SYT9: variants seen among roughly 807,000 people sequenced by gnomAD.
SYT9 encodes synaptotagmin 9.
SYT9 carries 22 observed loss-of-function variants against 48.4 expected under a neutral mutation model. The ratio of observed to expected loss-of-function variants is 0.45; its 90% confidence interval spans 0.32 to 0.65. The LOEUF (loss-of-function observed/expected upper bound fraction) is 0.65. Ranked by LOEUF, SYT9 falls within the 30% of genes least tolerant of loss-of-function variation. The pLI is 0.03. For missense variants in SYT9, 577 were observed against 622.0 expected, an observed-to-expected ratio of 0.93 and a Z score of 0.77; for synonymous variants, 265 against 245.0, an observed-to-expected ratio of 1.08 and a Z score of -0.76.
In SYT9 at chr11:7,420,540, G is replaced by A. The variant is rs759692497; in HGVS notation, c.1372G>A (p.Val458Ile). ...GHNEIIGVCQ[V>I]GNEAERLGRD... ...CAATGAGATCATCGGCGTGTGTCAAGTAGGCAACGAGGCTGAGAGGCTGGG... is the reference window on the plus strand; with the variant it reads ...CAATGAGATCATCGGCGTGTGTCAAATAGGCAACGAGGCTGAGAGGCTGGG... Residue 458 changes from valine (V) to isoleucine (I), a missense_variant, in exon 6 of 7, where the codon GTA becomes ATA. Coordinates refer to ENST00000318881, the MANE Select transcript of SYT9 (RefSeq NM_175733.4). 4.3e-6 allele frequency: 7 copies of A among 1,614,078 alleles called. No individual in the cohort carries two copies. The South Asian group carries it at 4.4e-5, about 10-fold the overall frequency.
At chr11:7,275,102 G>T (rs1249901382) in intron 1 of SYT9, among the ~76,000 whole-genome samples, 3 of 151,996 alleles carry the variant, frequency 2.0e-5, no homozygotes, top group Non-Finnish European at 2.9e-5. Context: ...GAGCCAGCTA[G>T]CAGAGTGTGC....
rs1181331683 is a variant in SYT9 at position 7,432,637 on chromosome 11, A to T, written c.1467+12002A>T. 1.9e-4 allele frequency among the ~76,000 whole-genome samples: 19 copies of T among 100,884 alleles called. No homozygotes were observed. The South Asian group carries it at 2.1e-3, about 11-fold the overall frequency. 66.2% of individuals were successfully genotyped at this position (100,884 alleles called of 152,430 possible). On this transcript the variant is annotated intron_variant, in intron 6 of 6. Coordinates refer to ENST00000318881, the MANE Select transcript of SYT9 (RefSeq NM_175733.4). ...TATATATATATATATATATATATATATTTAATGACTGCCCTGCAGGGTTTA... is the reference window on the plus strand; with the variant it reads ...TATATATATATATATATATATATATTTTTAATGACTGCCCTGCAGGGTTTA...
Position 7,303,281 on chromosome 11 carries a change from A to G in SYT9, c.388A>G (p.Ser130Gly). The G allele has an allele frequency of 6.2e-7, 1 of 1,613,846 alleles. No homozygotes were observed. Among genetic ancestry groups the G allele is most frequent in the Non-Finnish European group, 8.5e-7 (1 of 1,179,820 alleles). Reference sequence around the variant, plus strand: ...CTGCCCTGACTCCTCCATGAAGATCAGCCACACCTCCCCTGACATTCCCCT... The same window carrying G: ...CTGCCCTGACTCCTCCATGAAGATCGGCCACACCTCCCCTGACATTCCCCT... ...TPCPDSSMKI[S>G]HTSPDIPLST... Residue 130 changes from serine to glycine, a missense_variant, in exon 2 of 7, where the codon AGC becomes GGC. Coordinates refer to ENST00000318881, the MANE Select transcript of SYT9 (RefSeq NM_175733.4).
intron 1 of SYT9, among the ~76,000 whole-genome samples, chr11:7,264,311 G>A (rs1848132952): frequency 6.6e-6 from 1 of 152,114 alleles, no homozygotes; most frequent in South Asian, 2.1e-4. Flanking sequence ...TGAAGTTGGC[G>A]ATCATGAATT....
chr11:7,295,595 A>T (rs1848786519), intron 1 of SYT9, among the ~76,000 whole-genome samples: 1 of 152,172 alleles, frequency 6.6e-6, no homozygotes, highest in Non-Finnish European at 1.5e-5. Flanking sequence ...CATTCATGGC[A>T]GTGTAAGCTT....
At chr11:7,245,758 A>G (rs1426663879) in intron 1 of SYT9, among the ~76,000 whole-genome samples, 4 of 152,222 alleles carry the variant, frequency 2.6e-5, no homozygotes, top group Non-Finnish European at 5.9e-5. Flanking sequence ...TTATAACAGC[A>G]TAATTCTACC....
chr11:7,328,277 CATT>C (rs1849471370), intron 3 of SYT9, among the ~76,000 whole-genome samples: 1 of 151,688 alleles, frequency 6.6e-6, no homozygotes, highest in Non-Finnish European at 1.5e-5. Context: ...ATATTTATGT[CATT>C]GTGATTATAA....
intron 3 of SYT9, among the ~76,000 whole-genome samples, chr11:7,353,300 C>T (rs770514559): frequency 1.1e-4 from 16 of 152,158 alleles, no homozygotes; most frequent in Non-Finnish European, 2.4e-4. Flanking sequence ...CCCCCAGGAA[C>T]CACTTTCCTG....
intron 6 of SYT9, among the ~76,000 whole-genome samples, chr11:7,462,820 A>G (rs1848258669): frequency 6.6e-6 from 1 of 152,176 alleles, no homozygotes; most frequent in African/African-American, 2.4e-5. Flanking sequence ...TTCCTGTAAT[A>G]AAGTCCCATT....
chr11:7,256,974 GAACAAACAAACAAAGAAAA>G (rs1188925899), intron 1 of SYT9, among the ~76,000 whole-genome samples: 1 of 152,032 alleles, frequency 6.6e-6, no homozygotes, highest in East Asian at 1.9e-4. Context: ...TAGGGAGCTG[GAACAAACAAACAAAGAAAA>G]AACAAACAAC....
At chr11:7,446,334 C>A (rs979776130) in intron 6 of SYT9, among the ~76,000 whole-genome samples, 1 of 152,216 alleles carries the variant, frequency 6.6e-6, no homozygotes, top group Non-Finnish European at 1.5e-5. Flanking sequence ...AGAACACTTA[C>A]AAGAGTGCCT....
At chr11:7,278,457 T>C (rs747436563) in intron 1 of SYT9, among the ~76,000 whole-genome samples, 2 of 152,118 alleles carry the variant, frequency 1.3e-5, no homozygotes, top group Non-Finnish European at 2.9e-5. Flanking sequence ...TTTAAAACTG[T>C]TTTACTGAGC....
intron 3 of SYT9, among the ~76,000 whole-genome samples, chr11:7,344,601 C>G (rs1182022073): frequency 6.6e-6 from 1 of 152,112 alleles, no homozygotes; most frequent in Non-Finnish European, 1.5e-5. Context: ...GTTTGAAGTT[C>G]TTTCTTGTGA....
intron 1 of SYT9, among the ~76,000 whole-genome samples, chr11:7,273,011 T>C (rs765652998): frequency 2.6e-5 from 4 of 152,160 alleles, no homozygotes; most frequent in African/African-American, 9.7e-5. Context: ...TTGTGGGTCA[T>C]GTTAAGAATT....
upstream of SYT9, among the ~76,000 whole-genome samples, chr11:7,247,777 G>C (rs980118199): frequency 2.6e-5 from 4 of 151,518 alleles, no homozygotes; most frequent in Non-Finnish European, 4.4e-5. Context: ...GAATTGTGCT[G>C]CTATATACAT....
At chr11:7,395,853 T>C (rs571341290) in intron 3 of SYT9, among the ~76,000 whole-genome samples, 94 of 152,256 alleles carry the variant, frequency 6.2e-4, no homozygotes, top group African/African-American at 2.2e-3. Flanking sequence ...AATATTGATA[T>C]GTGAGGTTTT....
chr11:7,383,173 T>A (rs1464076482), intron 3 of SYT9, among the ~76,000 whole-genome samples: 2 of 152,308 alleles, frequency 1.3e-5, no homozygotes, highest in Admixed American at 1.3e-4. Context: ...ACCATCAGTG[T>A]GATTATTACA....
At chr11:7,369,741 GCTTGTTAA>G (rs1192078806) in intron 3 of SYT9, among the ~76,000 whole-genome samples, 5 of 147,298 alleles carry the variant, frequency 3.4e-5, no homozygotes, top group African/African-American at 7.6e-5. Flanking sequence ...GGATATATAG[GCTTGTTAA>G]CTTGTTAACT....
At chr11:7,309,018 C>A (rs994190672) in intron 2 of SYT9, among the ~76,000 whole-genome samples, 1 of 152,124 alleles carries the variant, frequency 6.6e-6, no homozygotes, top group African/African-American at 2.4e-5. Flanking sequence ...TTTCTCCAGG[C>A]GTGAAAGTAT....
Sources: gnomAD v4.1 joint callset for allele counts (sites outside exome capture counted in the v4.1 genomes callset) on GRCh38, gnomAD v4.1.1 for gene constraint, MANE v1.5 for transcripts, NCBI Gene and HGNC (gene_info 2026-07-23, HGNC 2026-07-21) for gene names.